THSD7B: variants seen among roughly 807,000 people sequenced by gnomAD.
THSD7B encodes the protein thrombospondin type-1 domain-containing protein 7B.
In THSD7B, 138 loss-of-function variants were observed where a neutral mutation model predicts 213.6. The observed-to-expected ratio is 0.65, with a 90% CI of 0.56 to 0.74. THSD7B has a LOEUF of 0.74. Among genes scored for constraint, THSD7B ranks in the 30% least tolerant of loss-of-function variants. The pLI, the probability that THSD7B is intolerant of heterozygous loss-of-function variation, is 0.00. For missense variants in THSD7B, 1,931 were observed against 1,991.5 expected, an observed-to-expected ratio of 0.97 and a Z score of 0.58; for synonymous variants, 742 against 687.0, an observed-to-expected ratio of 1.08 and a Z score of -1.25.
chr2:137,608,759 T>C (rs1437711322), intron 17 of THSD7B, among the ~76,000 whole-genome samples: 1 of 152,218 alleles, frequency 6.6e-6, no homozygotes, highest in African/African-American at 2.4e-5. Context: ...AAGGAGCTAT[T>C]CCTCTATGCA....
intron 12 of THSD7B, among the ~76,000 whole-genome samples, chr2:137,289,162 A>G (rs1467832345): frequency 1.3e-5 from 2 of 152,052 alleles, no homozygotes; most frequent in Non-Finnish European, 2.9e-5. Context: ...GAAGTATTAC[A>G]AGACATGTTT....
At chr2:136,966,277 G>T (rs140482669) in intron 2 of THSD7B, among the ~76,000 whole-genome samples, 1 of 151,872 alleles carries the variant, frequency 6.6e-6, no homozygotes, top group East Asian at 1.9e-4. Flanking sequence ...AAGTACCGTG[G>T]CATGATTTTG....
chr2:137,018,731 A>G (rs1278811605), intron 2 of THSD7B, among the ~76,000 whole-genome samples: 1 of 152,214 alleles, frequency 6.6e-6, no homozygotes, highest in Non-Finnish European at 1.5e-5. Context: ...ATTGACCATT[A>G]TTAGCCAAGT....
At chr2:137,266,078 TTC>T (rs1682583272) in intron 10 of THSD7B, among the ~76,000 whole-genome samples, 1 of 152,258 alleles carries the variant, frequency 6.6e-6, no homozygotes, top group South Asian at 2.1e-4. Flanking sequence ...TGTCATTTTT[TTC>T]TTTTTCTAAA....
At chr2:137,063,559 T>C (rs2104883748) in intron 3 of THSD7B, among the ~76,000 whole-genome samples, 1 of 152,158 alleles carries the variant, frequency 6.6e-6, no homozygotes, top group African/African-American at 2.4e-5. Flanking sequence ...TATTTTAAAA[T>C]GCACAATTAA....
intron 5 of THSD7B, among the ~76,000 whole-genome samples, chr2:137,152,006 ATTTTTTTTT>A (rs201462563): frequency 1.5e-5 from 2 of 137,642 alleles, no homozygotes; most frequent in South Asian, 2.3e-4. Context: ...AGCTACCTTA[ATTTTTTTTT>A]TTTTTTTTTT....
At chr2:137,583,325 A>G (rs985229195) in intron 17 of THSD7B, among the ~76,000 whole-genome samples, 3 of 152,166 alleles carry the variant, frequency 2.0e-5, no homozygotes, top group Non-Finnish European at 4.4e-5. Flanking sequence ...TTTGCTGTGC[A>G]TAAGCTCTTT....
chr2:137,395,684 A>G (rs1017685545), intron 12 of THSD7B, among the ~76,000 whole-genome samples: 3 of 152,152 alleles, frequency 2.0e-5, no homozygotes, highest in Non-Finnish European at 2.9e-5. Flanking sequence ...TCATACAATG[A>G]GTTAGGGAGG....
chr2:136,973,111 T>G (rs947094108), intron 2 of THSD7B, among the ~76,000 whole-genome samples: 2 of 152,182 alleles, frequency 1.3e-5, no homozygotes, highest in African/African-American at 4.8e-5. Flanking sequence ...CCACCATCCT[T>G]TAAGGCAAGG....
At chr2:137,177,937 G>A (rs943676933) in intron 7 of THSD7B, among the ~76,000 whole-genome samples, 1 of 151,938 alleles carries the variant, frequency 6.6e-6, no homozygotes, top group Non-Finnish European at 1.5e-5. Flanking sequence ...TGGGCATGGC[G>A]GCACATGCCT....
chr2:137,464,293 A>G (rs1687944753), intron 15 of THSD7B, among the ~76,000 whole-genome samples: 1 of 152,082 alleles, frequency 6.6e-6, no homozygotes, highest in Non-Finnish European at 1.5e-5. Flanking sequence ...TAACAGTGTT[A>G]TCTTAGGTTG....
chr2:137,088,608 T>TA (rs55700826), intron 3 of THSD7B, among the ~76,000 whole-genome samples: 98,711 of 141,054 alleles, frequency 0.7, 36,599 homozygotes, highest in Middle Eastern at 0.87. Context: ...GCAAATGCAA[T>TA]AAAAAAAAAA....
chr2:137,522,692 A>G (rs16839047), intron 15 of THSD7B, among the ~76,000 whole-genome samples: 4,746 of 152,286 alleles, frequency 0.031, 259 homozygotes, highest in African/African-American at 0.11. Flanking sequence ...GCTCCATTCG[A>G]GCAAAGTTTT....
At chr2:136,991,031 A>G (rs1685771823) in intron 2 of THSD7B, 6 of 1,016,260 alleles carry the variant, frequency 5.9e-6, no homozygotes, top group Non-Finnish European at 6.8e-6. Context: ...AAAAAAGGAG[A>G]AAGAAAGATG....
chr2:137,001,177 G>A (rs965340461), intron 2 of THSD7B, among the ~76,000 whole-genome samples: 7 of 152,014 alleles, frequency 4.6e-5, no homozygotes, highest in Admixed American at 1.3e-4. Context: ...TGTGTGAGAC[G>A]ATAATGATAC....
intron 5 of THSD7B, among the ~76,000 whole-genome samples, chr2:137,145,350 G>A (rs957796961): frequency 6.6e-6 from 1 of 152,012 alleles, no homozygotes; most frequent in African/African-American, 2.4e-5. Flanking sequence ...ATATCAGAAA[G>A]CAGGAGTGGT....
At chr2:137,518,253 T>C (rs1236758994) in intron 15 of THSD7B, among the ~76,000 whole-genome samples, 1 of 152,024 alleles carries the variant, frequency 6.6e-6, no homozygotes, top group African/African-American at 2.4e-5. Flanking sequence ...CAGGGCCTGG[T>C]TCACAGATGA....
intron 2 of THSD7B, among the ~76,000 whole-genome samples, chr2:137,000,880 A>G (rs1685987073): frequency 6.6e-6 from 1 of 152,102 alleles, no homozygotes; most frequent in African/African-American, 2.4e-5. Context: ...TTGCATTTCA[A>G]AAGGGTGCCT....
intron 15 of THSD7B, among the ~76,000 whole-genome samples, chr2:137,469,380 A>T (rs1299266173): frequency 1.3e-5 from 2 of 152,244 alleles, no homozygotes; most frequent in Non-Finnish European, 2.9e-5. Flanking sequence ...ATGAATTATT[A>T]TCAGTCATTT....
Sources: gnomAD v4.1 joint callset for allele counts (sites outside exome capture counted in the v4.1 genomes callset) on GRCh38, gnomAD v4.1.1 for gene constraint, MANE v1.5 for transcripts, NCBI Gene and HGNC (gene_info 2026-07-23, HGNC 2026-07-21) for gene names.